DCDC2: variants seen among roughly 807,000 people sequenced by gnomAD.
DCDC2 encodes the protein doublecortin domain-containing protein 2.
Under a neutral mutation model 50.2 loss-of-function variants are expected in DCDC2, and 40 were observed. The ratio of observed to expected loss-of-function variants is 0.80; its 90% CI spans 0.62 to 1.04. The LOEUF is 1.04. Among genes scored for constraint, DCDC2 ranks in the 50% least tolerant of loss-of-function variants. The pLI is 0.00. For synonymous variants in DCDC2, 234 were observed against 210.6 expected, an observed-to-expected ratio of 1.11 and a Z score of -0.96; for missense variants, 570 against 581.9, an observed-to-expected ratio of 0.98 and a Z score of 0.21.
intron 7 of DCDC2, among the ~76,000 whole-genome samples, chr6:24,220,904 G>GAGAGAGTGAGCGAGCGAGCA (rs1762101162): frequency 6.6e-6 from 1 of 150,876 alleles, no homozygotes; most frequent in South Asian, 2.1e-4. Context: ...GCGAGCGAGC[G>GAGAGAGTGAGCGAGCGAGCA]AGAGAGTGAG....
At chr6:24,258,646 A>T (rs559547188) in intron 7 of DCDC2, among the ~76,000 whole-genome samples, 89 of 152,312 alleles carry the variant, frequency 5.8e-4, no homozygotes, top group African/African-American at 2.1e-3. Flanking sequence ...CCAATCCTTC[A>T]AGTTGAATCC....
At chr6:24,267,760 A>C (rs934286675) in intron 7 of DCDC2, among the ~76,000 whole-genome samples, 4 of 152,230 alleles carry the variant, frequency 2.6e-5, no homozygotes, top group Non-Finnish European at 5.9e-5. Context: ...CTGGAACCAA[A>C]GGTCTGAGGA....
the DCDC2 span, among the ~76,000 whole-genome samples, chr6:24,378,172 G>C: frequency 2.0e-4 from 31 of 152,186 alleles, no homozygotes; most frequent in African/African-American, 7.2e-4. Context: ...GAAGAAAAAG[G>C]ACCCTGCCTG....
In DCDC2 at chr6:24,288,836, A is replaced by C. The variant is rs757218214; in HGVS notation, c.759+16T>G. ...AAAAATATAGAACATCAACGAGGAAAGCATCTGATACTTACACTCCCTTTA... is the reference window on the plus strand; with the variant it reads ...AAAAATATAGAACATCAACGAGGAACGCATCTGATACTTACACTCCCTTTA... On this transcript the variant is annotated intron_variant, in intron 6 of 9. Transcript: ENST00000378454. 1.2e-6 allele frequency: 2 copies of C among 1,604,136 alleles called. No homozygotes were observed. The highest frequency in any genetic ancestry group is 1.7e-6 in the Non-Finnish European group (2 of 1,171,192).
rs138029957 is a variant in DCDC2 at position 24,207,572 on chromosome 6, T to A, written c.923-2470A>T. Among the ~76,000 whole-genome samples, 571 of 152,280 alleles carry A rather than the reference T, an allele frequency of 3.7e-3. 1 individual carries two copies. The highest frequency in any genetic ancestry group is 0.013 in the African/African-American group (522 of 41,550). On this transcript the variant is annotated intron_variant, in intron 7 of 9. Transcript: ENST00000378454. ...TGCATAATAGTCACTCTGGAAAATATGAAAGCGCTGCTGGTGAGGGTTTTG... is the reference window on the plus strand; with the variant it reads ...TGCATAATAGTCACTCTGGAAAATAAGAAAGCGCTGCTGGTGAGGGTTTTG...
chr6:24,223,358 G>A lies in DCDC2; in HGVS notation c.923-18256C>T, dbSNP rs540364307. On this transcript the variant is annotated intron_variant, in intron 7 of 9. Transcript: ENST00000378454. ...AGGAGAGGCTGACATTTCTGTACAC[G>A]AGTGAGTGAGGCTAACTCTACGCAA... Among the ~76,000 whole-genome samples, 6 of 152,314 alleles carry A rather than the reference G, an allele frequency of 3.9e-5. No individual in the cohort carries two copies. In the East Asian group the frequency reaches 7.7e-4, roughly 20 times the overall value.
chr6:24,378,653 T>C, the DCDC2 span, among the ~76,000 whole-genome samples: 2 of 152,164 alleles, frequency 1.3e-5, no homozygotes, highest in African/African-American at 4.8e-5. Flanking sequence ...GATCTGCTTC[T>C]GGGAAACTCA....
chr6:24,376,737 C>CAAAAAAAAA, the DCDC2 span, among the ~76,000 whole-genome samples: 1 of 46,760 alleles, frequency 2.1e-5, no homozygotes, highest in Non-Finnish European at 3.6e-5. Context: ...CAGGTATATG[C>CAAAAAAAAA]AAAAAAAAAA....
chr6:24,198,040 C>T (rs1455605576), intron 8 of DCDC2, among the ~76,000 whole-genome samples: 1 of 152,056 alleles, frequency 6.6e-6, no homozygotes, highest in Non-Finnish European at 1.5e-5. Context: ...ACACACAACT[C>T]CTAGAAGTAC....
intron 2 of DCDC2, among the ~76,000 whole-genome samples, chr6:24,341,634 GT>G (rs1760156446): frequency 6.6e-6 from 1 of 151,998 alleles, no homozygotes; most frequent in South Asian, 2.1e-4. Context: ...CTTTTTAGTT[GT>G]TTTCTGAGTT....
intron 7 of DCDC2, among the ~76,000 whole-genome samples, chr6:24,259,597 T>C (rs1230948005): frequency 6.6e-6 from 1 of 152,228 alleles, no homozygotes; most frequent in Non-Finnish European, 1.5e-5. Context: ...TTAAATTGTT[T>C]TTCCAATTTG....
Position 24,357,399 on chromosome 6 carries a change from A to G in DCDC2, c.293+59T>C, listed in dbSNP as rs1760492179. 31 of 1,509,642 alleles carry G rather than the reference A, an allele frequency of 2.1e-5. 2 individuals are homozygous for G. The South Asian group carries it at 3.3e-4, about 16-fold the overall frequency. 93.5% of individuals were successfully genotyped at this position (1,509,642 alleles called of 1,614,324 possible). A position where few individuals can be genotyped will look rare whatever the true frequency, so the allele number is the denominator to read the frequency against. On this transcript the variant is annotated intron_variant, in intron 1 of 9. Transcript: ENST00000378454. Reference sequence around the variant, plus strand: ...GGGGGGTAGGGATCTGCATTTCTTCATATCAACCCCACACTATAGGGCACC... The same window carrying G: ...GGGGGGTAGGGATCTGCATTTCTTCGTATCAACCCCACACTATAGGGCACC...
intron 7 of DCDC2, among the ~76,000 whole-genome samples, chr6:24,209,856 G>A (rs9379648): frequency 0.061 from 9,202 of 152,008 alleles, 458 homozygotes; most frequent in East Asian, 0.23. Context: ...CTAGAGTCAC[G>A]GTCTCATCCT....
intron 7 of DCDC2, among the ~76,000 whole-genome samples, chr6:24,231,070 TG>T (rs779520173): frequency 6.6e-6 from 1 of 152,230 alleles, no homozygotes; most frequent in Non-Finnish European, 1.5e-5. Flanking sequence ...GTCTGCCCCA[TG>T]GCCTGCCTTC....
chr6:24,232,274 T>C (rs776237620), intron 7 of DCDC2, among the ~76,000 whole-genome samples: 14 of 152,202 alleles, frequency 9.2e-5, no homozygotes, highest in African/African-American at 2.4e-5. Flanking sequence ...GCATAATAAA[T>C]ACTAGTTCAC....
intron 7 of DCDC2, among the ~76,000 whole-genome samples, chr6:24,252,697 G>C (rs977259436): frequency 2.0e-5 from 3 of 152,148 alleles, no homozygotes; most frequent in African/African-American, 7.2e-5. Flanking sequence ...AAAGAAATCT[G>C]ACCTAATTGA....
rs539380028 is a variant in DCDC2 at position 24,271,242 on chromosome 6, A to G, written c.922+6807T>C. ...AAAAAAAAAGAGAGAGAGAGAGAGA[A>G]AGAAAGAAAAAAAAGAAAAAAAGAG... On this transcript the variant is annotated intron_variant, in intron 7 of 9. Transcript: ENST00000378454. Among the ~76,000 whole-genome samples, 33 of 141,912 alleles carry G rather than the reference A, an allele frequency of 2.3e-4. No individual in the cohort carries two copies. The South Asian group carries it at 3.5e-3, about 15-fold the overall frequency. 93.1% of individuals were successfully genotyped at this position (141,912 alleles called of 152,430 possible).
the DCDC2 span, among the ~76,000 whole-genome samples, chr6:24,368,799 ACTGT>A: frequency 2.1e-3 from 320 of 152,308 alleles, 2 homozygotes; most frequent in African/African-American, 7.2e-3. Flanking sequence ...CAATAATGAC[ACTGT>A]CTGATTGTGG....
rs759867603 is a variant in DCDC2, at chr6:24,357,834, C to A, written c.-84G>T. ...CCCAGCGGCCTCACCGCACCCAGGG[C>A]GCGGGATCGCCTCCTGAAACGAACG... On this transcript the variant is annotated 5_prime_UTR_variant, in exon 1 of 10. Coordinates refer to ENST00000378454, the MANE Select transcript of DCDC2 (RefSeq NM_016356.5). The A allele has an allele frequency of 5.0e-6, 8 of 1,599,544 alleles. 1 individual carries two copies. In the Admixed American group the frequency reaches 5.1e-5, roughly 10 times the overall value.
Sources: allele counts gnomAD v4.1 joint callset (sites outside exome capture counted in the v4.1 genomes callset), GRCh38; gene constraint gnomAD v4.1.1; transcripts MANE v1.5; gene names NCBI Gene and HGNC (gene_info 2026-07-23, HGNC 2026-07-21).